Variants in GALNT13 observed in about 807,000 individuals in gnomAD.
The protein encoded by GALNT13 is UDP-GalNAc:polypeptide N-acetylgalactosaminyltransferase 13.
Under a neutral mutation model 64.2 loss-of-function variants are expected in GALNT13, and 28 were observed. The observed-to-expected ratio is 0.44, with a 90% CI of 0.32 to 0.60. The LOEUF is 0.60. GALNT13 is among the 20% of genes least tolerant of loss of function. The pLI, the probability that GALNT13 is intolerant of heterozygous loss-of-function variation, is 0.05. For missense variants in GALNT13, 577 were observed against 669.8 expected (o/e 0.86, Z 1.53); for synonymous variants, 214 against 224.6 (o/e 0.95, Z 0.42).
the GALNT13 span, among the ~76,000 whole-genome samples, chr2:153,767,090 C>G: frequency 1.3e-5 from 2 of 152,076 alleles, no homozygotes; most frequent in East Asian, 3.9e-4. Context: ...TTTTTCAAAA[C>G]TCACCCCATA....
At chr2:154,108,633 G>T (rs1385179463) in intron 3 of GALNT13, among the ~76,000 whole-genome samples, 2 of 151,504 alleles carry the variant, frequency 1.3e-5, no homozygotes, top group Admixed American at 1.3e-4. Flanking sequence ...GTGCTTTTGG[G>T]GTCAAATCCA....
chr2:153,966,028 C>T (rs1693309526), intron 3 of GALNT13, among the ~76,000 whole-genome samples: 1 of 151,888 alleles, frequency 6.6e-6, no homozygotes, highest in Non-Finnish European at 1.5e-5. Flanking sequence ...TTACTTTTGC[C>T]AGTGAGTTTT....
intron 8 of GALNT13, among the ~76,000 whole-genome samples, chr2:154,285,368 A>C (rs1692205305): frequency 6.6e-6 from 1 of 152,118 alleles, no homozygotes; most frequent in East Asian, 1.9e-4. Context: ...ATTTAAGTCT[A>C]TATTTTATCC....
chr2:154,110,310 TATATATATATATATATATATATATATAG>T (rs1558962968), intron 3 of GALNT13, among the ~76,000 whole-genome samples: 33 of 51,424 alleles, frequency 6.4e-4, no homozygotes, highest in East Asian at 1.5e-3. Flanking sequence ...TATATATATA[TATATATATATATATATATATATATATAG>T]AGAGAGAGAG....
chr2:153,499,763 G>C, the GALNT13 span, among the ~76,000 whole-genome samples: 1 of 152,208 alleles, frequency 6.6e-6, no homozygotes, highest in East Asian at 1.9e-4. Flanking sequence ...CTTCAACTTT[G>C]CTCTGAAATC....
At chr2:153,955,646 C>T (rs1485339941) in intron 3 of GALNT13, among the ~76,000 whole-genome samples, 2 of 152,258 alleles carry the variant, frequency 1.3e-5, no homozygotes, top group Middle Eastern at 3.4e-3. Context: ...GGATTTGATG[C>T]AGGACTGGCA....
At chr2:154,241,960 A>G (rs1250263158) in intron 4 of GALNT13, 70 bp from the exon 5 acceptor site, 2 of 925,064 alleles carry the variant, frequency 2.2e-6, no homozygotes, top group East Asian at 2.7e-5. Context: ...GTTATTATGG[A>G]TATTTCTTTT....
At chr2:153,627,723 C>T in the GALNT13 span, among the ~76,000 whole-genome samples, 2 of 152,104 alleles carry the variant, frequency 1.3e-5, no homozygotes, top group African/African-American at 4.8e-5. Flanking sequence ...AGACTCTTCT[C>T]AACTGTAAAC....
At chr2:154,161,207 A>G (rs1455805039) in intron 4 of GALNT13, among the ~76,000 whole-genome samples, 2 of 152,238 alleles carry the variant, frequency 1.3e-5, no homozygotes, top group African/African-American at 4.8e-5. Flanking sequence ...ATGTGAGCAT[A>G]AATCTGTGAA....
the GALNT13 span, among the ~76,000 whole-genome samples, chr2:153,630,090 C>A: frequency 6.7e-6 from 1 of 148,932 alleles, no homozygotes; most frequent in Non-Finnish European, 1.5e-5. Context: ...GTCAGTGTGG[C>A]GATTCCTCAG....
chr2:153,948,820 C>T (rs560339206), intron 3 of GALNT13, among the ~76,000 whole-genome samples: 1 of 151,986 alleles, frequency 6.6e-6, no homozygotes, highest in East Asian at 1.9e-4. Context: ...CACATGGACA[C>T]GTAGACAGGA....
intron 1 of GALNT13, among the ~76,000 whole-genome samples, chr2:153,896,285 A>G (rs1386188004): frequency 4.6e-5 from 7 of 150,760 alleles, no homozygotes; most frequent in Non-Finnish European, 8.9e-5. Flanking sequence ...TGACTATAAT[A>G]TAATGTTGTT....
chr2:153,932,261 A>G (rs1245011890), intron 2 of GALNT13, among the ~76,000 whole-genome samples: 1 of 151,374 alleles, frequency 6.6e-6, no homozygotes, highest in Non-Finnish European at 1.5e-5. Context: ...GATCTCTTCT[A>G]TGGTTTTTCA....
intron 3 of GALNT13, among the ~76,000 whole-genome samples, chr2:153,987,444 AGTAGAT>A: frequency 6.6e-6 from 1 of 152,054 alleles, no homozygotes; most frequent in East Asian, 1.9e-4. Context: ...TTAGATACAA[AGTAGAT>A]AAATATTATT....
the GALNT13 span, among the ~76,000 whole-genome samples, chr2:153,693,718 G>A: frequency 2.6e-5 from 4 of 152,078 alleles, no homozygotes; most frequent in African/African-American, 9.7e-5. Context: ...GCTTTGATTA[G>A]CTCTATTCAG....
the GALNT13 span, among the ~76,000 whole-genome samples, chr2:153,655,973 CA>C: frequency 6.6e-6 from 1 of 151,978 alleles, no homozygotes; most frequent in Non-Finnish European, 1.5e-5. Context: ...CTTCACATAC[CA>C]AAAATTCCTA....
At chr2:153,540,457 G>T in the GALNT13 span, among the ~76,000 whole-genome samples, 19 of 152,216 alleles carry the variant, frequency 1.2e-4, no homozygotes, top group African/African-American at 4.3e-4. Flanking sequence ...TGGGGTTGGA[G>T]CTCCCACACA....
At chr2:153,127,201 CTA>C in the GALNT13 span, among the ~76,000 whole-genome samples, 3 of 152,150 alleles carry the variant, frequency 2.0e-5, no homozygotes, top group Non-Finnish European at 2.9e-5. Context: ...ATCAATAATC[CTA>C]TGAGTTTATT....
intron 1 of GALNT13, among the ~76,000 whole-genome samples, chr2:153,887,461 G>A (rs1255048218): frequency 6.6e-6 from 1 of 151,440 alleles, no homozygotes; most frequent in East Asian, 1.9e-4. Context: ...AGTTAAAGAT[G>A]GGACTGAAGC....
Sources: allele counts gnomAD v4.1 joint callset (sites outside exome capture counted in the v4.1 genomes callset), GRCh38; gene constraint gnomAD v4.1.1; transcripts MANE v1.5; gene names NCBI Gene and HGNC (gene_info 2026-07-23, HGNC 2026-07-21).